TNPO1: variants seen among roughly 807,000 people sequenced by gnomAD.
The protein encoded by TNPO1 is transportin-1.
A neutral mutation model predicts 119.5 loss-of-function variants in TNPO1; 8 were observed. The ratio of observed to expected loss-of-function variants is 0.07; its 90% confidence interval spans 0.04 to 0.12. The LOEUF is 0.12. Among genes scored for constraint, TNPO1 ranks in the 10% least tolerant of loss-of-function variants. The pLI is 1.00. For synonymous variants in TNPO1, 362 were observed against 363.0 expected, an observed-to-expected ratio of 1.00 and a Z score of 0.03; for missense variants, 576 against 1,089.8, an observed-to-expected ratio of 0.53 and a Z score of 6.64.
rs546445580 is a variant in TNPO1, at chr5:72,852,262, T to G, written c.205+943T>G. Among the ~76,000 whole-genome samples, 5 of 152,344 alleles carry G rather than the reference T, an allele frequency of 3.3e-5. No individual in the cohort carries two copies. In the East Asian group the frequency reaches 9.6e-4, roughly 29 times the overall value. On this transcript the variant is annotated intron_variant, in intron 3 of 24. Coordinates refer to ENST00000337273, the MANE Select transcript of TNPO1 (RefSeq NM_002270.4). ...GTAGTCTGATTTTTAAATAACATGGTCATTTGATTATTTCTAATAATATGT... is the reference window on the plus strand; with the variant it reads ...GTAGTCTGATTTTTAAATAACATGGGCATTTGATTATTTCTAATAATATGT...
chr5:72,848,346 A>G (rs750317624), intron 1 of TNPO1, 39 bp from the exon 2 acceptor site: 1 of 1,588,496 alleles, frequency 6.3e-7, no homozygotes. Flanking sequence ...CGGGAGTAAC[A>G]GTTGCTCCGT....
intron 1 of TNPO1, among the ~76,000 whole-genome samples, chr5:72,826,929 T>C (rs1356309111): frequency 6.6e-6 from 1 of 152,174 alleles, no homozygotes; most frequent in Non-Finnish European, 1.5e-5. Context: ...AACAGTCACA[T>C]GTTAATGTTT....
chr5:72,878,839 C>A (rs1046234280), intron 9 of TNPO1: 7 of 432,706 alleles, frequency 1.6e-5, no homozygotes, highest in Non-Finnish European at 2.3e-5. Context: ...GAGCAGAAAT[C>A]CGCTTTTATT....
At chr5:72,878,668 A>AT (rs1209773123) in intron 9 of TNPO1, 4 of 198,344 alleles carry the variant, frequency 2.0e-5, no homozygotes, top group Non-Finnish European at 2.1e-5. Flanking sequence ...CACTGACTGG[A>AT]TTTTTTTCTC....
rs760211331 is a variant in TNPO1, at chr5:72,851,325, T to G, written c.205+6T>G. On this transcript the variant is annotated splice_donor_region_variant and intron_variant, in intron 3 of 24. Coordinates refer to ENST00000337273, the MANE Select transcript of TNPO1 (RefSeq NM_002270.4). Reference sequence around the variant, plus strand: ...TACAAAATTAAAATCTGAAGGTAAGTAGGATTTGTATTGATAACTATTTAA... The same window carrying G: ...TACAAAATTAAAATCTGAAGGTAAGGAGGATTTGTATTGATAACTATTTAA... 2.0e-6 allele frequency: 3 copies of G among 1,501,294 alleles called. 1 individual carries two copies. The Admixed American group carries it at 5.1e-5, about 25-fold the overall frequency. 93.0% of individuals were successfully genotyped at this position (1,501,294 alleles called of 1,614,324 possible).
chr5:72,817,754 T>G (rs1019798906), intron 1 of TNPO1, among the ~76,000 whole-genome samples: 1 of 152,236 alleles, frequency 6.6e-6, no homozygotes. Flanking sequence ...TATGGTGTAA[T>G]AGGTGTTTGG....
chr5:72,877,124 AGGTTG>A, intron 8 of TNPO1, 99 bp from the exon 9 acceptor site: 1 of 501,588 alleles, frequency 2.0e-6, no homozygotes, highest in South Asian at 4.2e-5. Context: ...AAAATTGCCT[AGGTTG>A]AAAACCATAA....
At position 72,875,604 on chromosome 5, in the gene TNPO1, T is replaced by G; in HGVS notation, c.679-11T>G. On this transcript the variant is annotated splice_polypyrimidine_tract_variant and intron_variant, in intron 7 of 24. Coordinates refer to ENST00000337273, the MANE Select transcript of TNPO1 (RefSeq NM_002270.4). Reference sequence around the variant, plus strand: ...TTCTAAAACTAGAAAAAATTATTTCTTGTGCAACAGAATCTCTTTGCATTA... The same window carrying G: ...TTCTAAAACTAGAAAAAATTATTTCGTGTGCAACAGAATCTCTTTGCATTA... 6.2e-7 allele frequency: 1 copy of G among 1,609,106 alleles called. No individual in the cohort carries two copies. The highest frequency in any genetic ancestry group is 8.5e-7 in the Non-Finnish European group (1 of 1,176,152).
At chr5:72,853,797 A>G (rs1336076105) in intron 3 of TNPO1, among the ~76,000 whole-genome samples, 1 of 152,196 alleles carries the variant, frequency 6.6e-6, no homozygotes, top group Non-Finnish European at 1.5e-5. Flanking sequence ...CTTATGTAGT[A>G]ATCTTATCAC....
At chr5:72,847,982 A>T in intron 1 of TNPO1, 1 of 858,618 alleles carries the variant, frequency 1.2e-6, no homozygotes, top group Non-Finnish European at 1.4e-6. Flanking sequence ...TTTGATAAGG[A>T]CTTGACTTTT....
chr5:72,852,751 C>T (rs1323445415), intron 3 of TNPO1, among the ~76,000 whole-genome samples: 1 of 152,114 alleles, frequency 6.6e-6, no homozygotes, highest in African/African-American at 2.4e-5. Flanking sequence ...GAATTATTTT[C>T]AGTTGATTTT....
intron 9 of TNPO1, among the ~76,000 whole-genome samples, chr5:72,881,414 G>A (rs575002928): frequency 3.9e-5 from 6 of 152,120 alleles, no homozygotes; most frequent in South Asian, 2.1e-4. Context: ...TCAGAGCCAC[G>A]AATAAACCAT....
intron 1 of TNPO1, among the ~76,000 whole-genome samples, chr5:72,838,396 G>A (rs1041342720): frequency 1.3e-5 from 2 of 151,956 alleles, no homozygotes; most frequent in African/African-American, 4.8e-5. Context: ...TATCAGCTTG[G>A]CTTATCAACT....
chr5:72,895,216 A>G (rs1007643450), intron 18 of TNPO1, among the ~76,000 whole-genome samples: 1 of 152,190 alleles, frequency 6.6e-6, no homozygotes, highest in Non-Finnish European at 1.5e-5. Flanking sequence ...TGTCTTTAAC[A>G]TGTTCCTCTG....
chr5:72,850,102 T>TC (rs1423633464), intron 2 of TNPO1, among the ~76,000 whole-genome samples: 1 of 152,206 alleles, frequency 6.6e-6, no homozygotes, highest in African/African-American at 2.4e-5. Context: ...TAAGAATACA[T>TC]ACTGCTGTTT....
chr5:72,875,727 A>G lies in TNPO1; in HGVS notation c.791A>G (p.Asn264Ser). ...RMDRLLPHMH[N>S]IVEYMLQRTQ... is the part of the protein sequence containing the mutation. Reference sequence around the variant, plus strand: ...GATCGCCTGCTTCCTCACATGCATAATATAGTTGAGGTAACACTGGCAATT... The same window carrying G: ...GATCGCCTGCTTCCTCACATGCATAGTATAGTTGAGGTAACACTGGCAATT... Residue 264 changes from asparagine (N) to serine (S), a missense_variant, in exon 8 of 25, where the codon AAT becomes AGT. Physicochemically the swap from Asn to Ser is conservative, Grantham distance 46. Around this residue, in one of 6 missense-constraint regions of TNPO1, gnomAD observed 310 missense variants for 583.0 expected, o/e 0.53. Coordinates refer to ENST00000337273, the MANE Select transcript of TNPO1 (RefSeq NM_002270.4). 1 of 1,606,436 alleles carries G rather than the reference A, an allele frequency of 6.2e-7. No individual in the cohort carries two copies. Among genetic ancestry groups the G allele is most frequent in the South Asian group, 1.1e-5 (1 of 90,470 alleles).
rs542192068 is a variant in TNPO1, at chr5:72,858,563, T to C, written c.355+2640T>C. ...CATTAAGACTAAAGTATTGGCCAGG[T>C]GCGGTGGCTCATGCCTGTAATCCCA... On this transcript the variant is annotated intron_variant, in intron 4 of 24. Coordinates refer to ENST00000337273, the MANE Select transcript of TNPO1 (RefSeq NM_002270.4). Among the ~76,000 whole-genome samples, 9 of 152,144 alleles carry C rather than the reference T, an allele frequency of 5.9e-5. 1 individual carries two copies. The highest frequency in any genetic ancestry group is 5.2e-4 in the Admixed American group (8 of 15,270).
intron 1 of TNPO1, among the ~76,000 whole-genome samples, chr5:72,841,880 T>TAA (rs973619164): frequency 1.3e-4 from 18 of 143,368 alleles, no homozygotes; most frequent in African/African-American, 3.6e-4. Flanking sequence ...CATTTTTCTG[T>TAA]AAAAAAAAAA....
In TNPO1 at chr5:72,865,519, TAATC is replaced by T. The variant is rs1299508050; in HGVS notation, c.463-75_463-72del. 7.4e-6 allele frequency: 11 copies of T among 1,482,316 alleles called. No individual in the cohort carries two copies. In the South Asian group the frequency reaches 1.1e-4, roughly 14 times the overall value. 91.8% of individuals were successfully genotyped at this position (1,482,316 alleles called of 1,614,324 possible). A position where few individuals can be genotyped will look rare whatever the true frequency, so the allele number is the denominator to read the frequency against. ...GCTGAGAACATTAGTCCATACAAAT[TAATC>T]AGCATTCTTCAGTTTGTTTTCAAAT... On this transcript the variant is annotated intron_variant, in intron 5 of 24. Coordinates refer to ENST00000337273, the MANE Select transcript of TNPO1 (RefSeq NM_002270.4).
Sources: allele counts gnomAD v4.1 joint callset (sites outside exome capture counted in the v4.1 genomes callset), GRCh38; gene constraint gnomAD v4.1.1; regional missense constraint gnomAD v4.1.1; transcripts MANE v1.5; gene names NCBI Gene and HGNC (gene_info 2026-07-23, HGNC 2026-07-21).